MDGA2: variants seen among roughly 807,000 people sequenced by gnomAD.
MDGA2 encodes MAM domain containing glycosylphosphatidylinositol anchor 2.
A neutral mutation model predicts 117.8 loss-of-function variants in MDGA2; 40 were observed. The ratio of observed to expected loss-of-function variants is 0.34; its 90% CI spans 0.26 to 0.44. MDGA2 has a LOEUF of 0.44. Among genes scored for constraint, MDGA2 ranks in the 20% least tolerant of loss-of-function variants. The probability of loss-of-function intolerance (pLI) is 1.00; values close to 1 mark genes in which losing one functional copy is unlikely to be tolerated. For synonymous variants in MDGA2, 452 were observed against 439.0 expected (o/e 1.03, Z -0.37); for missense variants, 1,123 against 1,250.6 (o/e 0.90, Z 1.54).
intron 3 of MDGA2, among the ~76,000 whole-genome samples, chr14:47,180,497 T>C (rs1884655598): frequency 6.6e-6 from 1 of 151,832 alleles, no homozygotes; most frequent in African/African-American, 2.4e-5. Context: ...CTAAACAAAT[T>C]TGCAAGGAAA....
intron 2 of MDGA2, among the ~76,000 whole-genome samples, chr14:47,236,534 A>G (rs1490362553): frequency 6.6e-6 from 1 of 152,146 alleles, no homozygotes; most frequent in Non-Finnish European, 1.5e-5. Flanking sequence ...AAACAAAACA[A>G]AAACAAAAAC....
At chr14:47,360,724 T>C (rs939185642) in intron 1 of MDGA2, among the ~76,000 whole-genome samples, 6 of 152,108 alleles carry the variant, frequency 3.9e-5, no homozygotes, top group Non-Finnish European at 7.3e-5. Flanking sequence ...TCTGTAGATA[T>C]ATACCCAAAG....
chr14:47,473,286 C>T (rs1893767214), intron 1 of MDGA2, among the ~76,000 whole-genome samples: 1 of 152,102 alleles, frequency 6.6e-6, no homozygotes, highest in Non-Finnish European at 1.5e-5. Flanking sequence ...GGGTCTCCCT[C>T]CAAGTCACAG....
chr14:47,139,667 T>G (rs1882618623), intron 4 of MDGA2, among the ~76,000 whole-genome samples: 1 of 151,256 alleles, frequency 6.6e-6, no homozygotes, highest in Non-Finnish European at 1.5e-5. Flanking sequence ...ATAAAAGTTT[T>G]TTTCATTATA....
chr14:47,105,410 G>C (rs910688066), intron 5 of MDGA2, among the ~76,000 whole-genome samples: 34 of 151,496 alleles, frequency 2.2e-4, no homozygotes, highest in African/African-American at 8.0e-4. Flanking sequence ...TTTTCTCTGG[G>C]CTTGCCTCCT....
intron 1 of MDGA2, among the ~76,000 whole-genome samples, chr14:47,630,265 A>G (rs573952807): frequency 3.3e-5 from 5 of 152,204 alleles, no homozygotes; most frequent in Non-Finnish European, 7.3e-5. Context: ...ACATATTTTT[A>G]TAAGTATCGG....
chr14:47,090,426 C>T (rs893277478), intron 6 of MDGA2, among the ~76,000 whole-genome samples: 2 of 151,832 alleles, frequency 1.3e-5, no homozygotes, highest in East Asian at 1.9e-4. Context: ...ATAAAGAGCA[C>T]ATTTCATTGA....
chr14:46,911,729 T>A (rs1883712964), intron 10 of MDGA2, among the ~76,000 whole-genome samples: 1 of 152,334 alleles, frequency 6.6e-6, no homozygotes, highest in Non-Finnish European at 1.5e-5. Flanking sequence ...CCATGGCATA[T>A]TTCTGGTAAT....
rs143353817 is a variant in MDGA2, at chr14:47,165,365, T to C, written c.596-21091A>G. On this transcript the variant is annotated intron_variant, in intron 3 of 16. Transcript: ENST00000399232. ...AAAATTTCTCTATTCTTCCCAGCTG[T>C]CTTCTAGTTCAGGCTTGATATCCCG... 2.7e-3 allele frequency among the ~76,000 whole-genome samples: 414 copies of C among 152,298 alleles called. 6 individuals carry two copies. Among genetic ancestry groups the C allele is most frequent in the African/African-American group, 9.2e-3 (383 of 41,548 alleles).
chr14:47,265,975 C>G (rs753292149), intron 2 of MDGA2, among the ~76,000 whole-genome samples: 1 of 152,062 alleles, frequency 6.6e-6, no homozygotes, highest in Non-Finnish European at 1.5e-5. Context: ...ACAACTAATG[C>G]TATTGATTGC....
At chr14:47,301,314 C>T (rs1594782786) in intron 2 of MDGA2, 97 bp downstream of exon 2, 1 of 1,285,174 alleles carries the variant, frequency 7.8e-7, no homozygotes, top group Non-Finnish European at 1.1e-6. Flanking sequence ...CACACACACA[C>T]ACACACAGTT....
At chr14:47,297,745 A>T (rs17671662) in intron 2 of MDGA2, among the ~76,000 whole-genome samples, 13,861 of 152,140 alleles carry the variant, frequency 0.091, 776 homozygotes, top group Non-Finnish European at 0.11. Context: ...CAGAGATGTA[A>T]AGGCTATGCA....
chr14:47,241,103 G>T (rs958547583), intron 2 of MDGA2, among the ~76,000 whole-genome samples: 4 of 151,856 alleles, frequency 2.6e-5, no homozygotes, highest in Non-Finnish European at 5.9e-5. Context: ...CAATCCAGGA[G>T]ATGGGCTTTC....
intron 2 of MDGA2, among the ~76,000 whole-genome samples, chr14:47,246,541 G>A (rs1887243903): frequency 6.6e-6 from 1 of 151,554 alleles, no homozygotes; most frequent in African/African-American, 2.4e-5. Context: ...AGGTATAGGA[G>A]GTTGAGCTAG....
At chr14:47,479,641 A>C (rs1383589732) in intron 1 of MDGA2, among the ~76,000 whole-genome samples, 3 of 152,044 alleles carry the variant, frequency 2.0e-5, no homozygotes, top group Non-Finnish European at 2.9e-5. Flanking sequence ...CCTTCATTAC[A>C]GGGATATTTC....
chr14:47,393,657 T>G (rs995478898), intron 1 of MDGA2, among the ~76,000 whole-genome samples: 1 of 152,116 alleles, frequency 6.6e-6, no homozygotes, highest in Non-Finnish European at 1.5e-5. Context: ...TTAGAAGCCC[T>G]TCCTCCTTCC....
chr14:47,510,084 G>A (rs190549207), intron 1 of MDGA2, among the ~76,000 whole-genome samples: 4 of 152,236 alleles, frequency 2.6e-5, no homozygotes, highest in African/African-American at 7.2e-5. Flanking sequence ...CAATTGTGAT[G>A]GTAACAGGAG....
intron 1 of MDGA2, among the ~76,000 whole-genome samples, chr14:47,385,179 C>T (rs1891729381): frequency 6.6e-6 from 1 of 151,914 alleles, no homozygotes; most frequent in Non-Finnish European, 1.5e-5. Flanking sequence ...AAAATGTTTT[C>T]ATTTATGTTT....
intron 15 of MDGA2, among the ~76,000 whole-genome samples, chr14:46,853,609 T>C (rs747185297): frequency 6.6e-6 from 1 of 151,038 alleles, no homozygotes; most frequent in African/African-American, 2.4e-5. Flanking sequence ...TGGTACAATA[T>C]CTGAAAAGTT....
Sources: gnomAD v4.1 joint callset for allele counts (sites outside exome capture counted in the v4.1 genomes callset) on GRCh38, gnomAD v4.1.1 for gene constraint, MANE v1.5 for transcripts, NCBI Gene and HGNC (gene_info 2026-07-23, HGNC 2026-07-21) for gene names.